OR51B5: variants seen among roughly 807,000 people sequenced by gnomAD.
OR51B5 encodes olfactory receptor family 51 subfamily B member 5.
For missense variants in OR51B5, 456 were observed against 374.6 expected, an observed-to-expected ratio of 1.22 and a Z score of -1.79; for synonymous variants, 186 against 144.8, an observed-to-expected ratio of 1.28 and a Z score of -2.04.
chr11:5,349,112 G>T (rs1465335729), intron 1 of OR51B5, among the ~76,000 whole-genome samples: 1 of 152,148 alleles, frequency 6.6e-6, no homozygotes, highest in Non-Finnish European at 1.5e-5. Flanking sequence ...CAGAGACCCT[G>T]GAAGAGGGTG....
intron 1 of OR51B5, among the ~76,000 whole-genome samples, chr11:5,457,082 T>A (rs959049268): frequency 2.2e-4 from 34 of 152,204 alleles, no homozygotes; most frequent in African/African-American, 8.2e-4. Flanking sequence ...TGAAAATGAA[T>A]TAATACAGCA....
chr11:5,474,327 C>T (rs574385429), intron 1 of OR51B5, among the ~76,000 whole-genome samples: 2 of 152,058 alleles, frequency 1.3e-5, no homozygotes, highest in South Asian at 2.1e-4. Flanking sequence ...ATGTACTCCC[C>T]CCAACACACA....
Position 5,454,529 on chromosome 11 carries a change from G to T in OR51B5, n.84+51040C>A, listed in dbSNP as rs11037506. On this transcript the variant is annotated intron_variant and non_coding_transcript_variant, in intron 1 of 4. Coordinates refer to the OR51B5 transcript ENST00000415970. ...GTATAAGATAGATTGTGTGCTGCGG[G>T]AAAAGTAGGCCAGGAGATGGTGATG... 0.019 allele frequency: 18,627 copies of T among 1,005,010 alleles called. 1,871 individuals carry two copies. In the African/African-American group the frequency reaches 0.24, roughly 13 times the overall value. The allele number at this position is 1,005,010 out of a possible 1,614,324, so 62.3% of individuals were successfully genotyped here.
intron 1 of OR51B5, chr11:5,455,593 A>C (rs796915586): frequency 3.0e-5 from 2 of 66,148 alleles, no homozygotes; most frequent in African/African-American, 4.6e-5. Context: ...GAAAGAGAGA[A>C]AGAGAAAAAG....
intron 1 of OR51B5, among the ~76,000 whole-genome samples, chr11:5,449,694 C>T (rs992240819): frequency 3.3e-5 from 5 of 152,122 alleles, no homozygotes; most frequent in Admixed American, 6.5e-5. Context: ...GAGAGGGAAG[C>T]AGGACTCAGG....
intron 1 of OR51B5, among the ~76,000 whole-genome samples, chr11:5,409,652 TA>T (rs1219826642): frequency 6.6e-6 from 1 of 151,942 alleles, no homozygotes; most frequent in East Asian, 1.9e-4. Flanking sequence ...ATTGAAAATA[TA>T]AAGACGTGAA....
Position 5,389,574 on chromosome 11 carries a change from T to C in OR51B5, n.85-42664A>G, listed in dbSNP as rs1248728675. ...ATCTCAGGCAATTGTTTCATTCTGA[T>C]CATTATTAAGACCAACCCTCGTCTG... On this transcript the variant is annotated intron_variant and non_coding_transcript_variant, in intron 1 of 4. Coordinates refer to the OR51B5 transcript ENST00000415970. The C allele has an allele frequency of 3.1e-6, 5 of 1,613,782 alleles. No homozygotes were observed. The Admixed American group carries it at 5.0e-5, about 16-fold the overall frequency.
At chr11:5,340,878 T>C (rs1040832843), downstream of OR51B5, 1 of 152,190 alleles carries the variant, frequency 6.6e-6, no homozygotes, top group African/African-American at 2.4e-5. Flanking sequence ...GTGGATGTAG[T>C]AGAGCATAAT....
chr11:5,421,602 T>A (rs1564808000), intron 1 of OR51B5, among the ~76,000 whole-genome samples: 1 of 152,106 alleles, frequency 6.6e-6, no homozygotes, highest in Non-Finnish European at 1.5e-5. Context: ...AAAATCAATA[T>A]CAGAAGACAT....
At chr11:5,468,579 A>G (rs1306009686) in intron 1 of OR51B5, 1 of 438,366 alleles carries the variant, frequency 2.3e-6, no homozygotes, top group African/African-American at 2.0e-5. Flanking sequence ...TTGGAGGTAC[A>G]AAGAGACATG....
intron 1 of OR51B5, among the ~76,000 whole-genome samples, chr11:5,446,993 G>C (rs1244291181): frequency 2.6e-5 from 4 of 152,098 alleles, no homozygotes; most frequent in Middle Eastern, 3.2e-3. Context: ...TTGTACAACA[G>C]AATCTCTACT....
At chr11:5,498,247 T>C (rs1309765596) in intron 1 of OR51B5, among the ~76,000 whole-genome samples, 2 of 152,246 alleles carry the variant, frequency 1.3e-5, no homozygotes, top group African/African-American at 2.4e-5. Flanking sequence ...TGGCGATCCT[T>C]GGGATTAGCT....
intron 1 of OR51B5, among the ~76,000 whole-genome samples, chr11:5,383,457 C>T (rs1189222991): frequency 6.6e-6 from 1 of 152,196 alleles, no homozygotes; most frequent in East Asian, 1.9e-4. Flanking sequence ...CTGTGAACAT[C>T]ACATGGATAA....
At chr11:5,382,159 TC>T (rs1849617881) in intron 1 of OR51B5, among the ~76,000 whole-genome samples, 1 of 152,242 alleles carries the variant, frequency 6.6e-6, no homozygotes, top group Non-Finnish European at 1.5e-5. Context: ...CCTGCCTACC[TC>T]TACTGTTTTA....
At chr11:5,455,600 A>AG (rs1255853602) in intron 1 of OR51B5, 2 of 90,004 alleles carry the variant, frequency 2.2e-5, no homozygotes, top group African/African-American at 7.3e-5. Context: ...AGAAAGAGAA[A>AG]AAGAGAAAGA....
chr11:5,363,910 G>T (rs943048057), intron 1 of OR51B5, among the ~76,000 whole-genome samples: 1 of 152,130 alleles, frequency 6.6e-6, no homozygotes, highest in African/African-American at 2.4e-5. Flanking sequence ...GACATGGCAG[G>T]TATAAAAATA....
At chr11:5,433,457 G>A (rs1297449254) in intron 1 of OR51B5, among the ~76,000 whole-genome samples, 4 of 152,200 alleles carry the variant, frequency 2.6e-5, no homozygotes, top group Non-Finnish European at 5.9e-5. Context: ...CAGATTTGAT[G>A]TATGAGTCAG....
chr11:5,373,385 C>T (rs1849472799), intron 1 of OR51B5, among the ~76,000 whole-genome samples: 1 of 152,192 alleles, frequency 6.6e-6, no homozygotes, highest in Non-Finnish European at 1.5e-5. Flanking sequence ...TGGTCTACAG[C>T]TCCCAGCGTG....
chr11:5,389,954 C>T (rs1564797234), intron 1 of OR51B5: 1 of 1,611,394 alleles, frequency 6.2e-7, no homozygotes, highest in African/African-American at 1.3e-5. Flanking sequence ...ATCTGTGGTC[C>T]TCTCCCACTC....
Sources: gnomAD v4.1 joint callset for allele counts (sites outside exome capture counted in the v4.1 genomes callset) on GRCh38, gnomAD v4.1.1 for gene constraint, MANE v1.5 for transcripts, NCBI Gene and HGNC (gene_info 2026-07-23, HGNC 2026-07-21) for gene names.